ATP13A2: variants seen among roughly 807,000 people sequenced by gnomAD.
The protein encoded by ATP13A2 is ATPase cation transporting 13A2.
In ATP13A2, 83 loss-of-function variants were observed where a neutral mutation model predicts 138.3. The observed-to-expected ratio is 0.60, with a 90% confidence interval of 0.50 to 0.72. The LOEUF (loss-of-function observed/expected upper bound fraction) is 0.72. Ranked by LOEUF, ATP13A2 falls within the 30% of genes least tolerant of loss-of-function variation. The pLI is 0.00. For synonymous variants in ATP13A2, 663 were observed against 699.0 expected (o/e 0.95, Z 0.81); for missense variants, 1,402 against 1,606.4 (o/e 0.87, Z 2.17).
At position 17,005,601 on chromosome 1, in the gene ATP13A2, G is replaced by A. The variant is rs150294350; in HGVS notation, c.106-45C>T. ...GGGCCCAGGTCGGGGTGGGAACGGGGCTGGAGTAGGAAGTTGGGGTGTCTG... is the reference window on the plus strand; with the variant it reads ...GGGCCCAGGTCGGGGTGGGAACGGGACTGGAGTAGGAAGTTGGGGTGTCTG... On this transcript the variant is annotated intron_variant, in intron 2 of 28. Coordinates refer to ENST00000326735, the MANE Select transcript of ATP13A2 (RefSeq NM_022089.4). 1,330 of 1,613,896 alleles carry A rather than the reference G, an allele frequency of 8.2e-4. 7 individuals are homozygous for A. In the African/African-American group the frequency reaches 0.016, roughly 19 times the overall value.
In ATP13A2 at chr1:17,004,782, C is replaced by G; in HGVS notation, c.387G>C (p.Arg129=). The change falls in exon 5 of 29, where the codon CGG becomes CGC. Residue 129 remains arginine (R), a synonymous_variant. Coordinates refer to ENST00000326735, the MANE Select transcript of ATP13A2 (RefSeq NM_022089.4). This position sits in a 1 kb window ranked among gnomAD's most constrained non-coding sequence, Gnocchi z 4.1. ...GTACCGCCCCAACTGCCGCCTGGCT[C>G]CGGCCATCCTCTGCCTGGGACTGTG... ...PSPQSQAEDG[R]SQAAVGAVPE... The G allele has an allele frequency of 2.5e-6, 4 of 1,614,062 alleles. No homozygotes were observed. Among genetic ancestry groups the G allele is most frequent in the Non-Finnish European group, 3.4e-6 (4 of 1,180,042 alleles).
At chr1:17,007,882 A>G (rs543398100) in intron 1 of ATP13A2, among the ~76,000 whole-genome samples, 1 of 151,886 alleles carries the variant, frequency 6.6e-6, no homozygotes, top group African/African-American at 2.4e-5. Flanking sequence ...CAAAGAGTCC[A>G]GAGTGCCCCA....
chr1:16,992,182 G>A, intron 18 of ATP13A2, 53 bp from the exon 19 acceptor site: 1 of 1,611,294 alleles, frequency 6.2e-7, no homozygotes, highest in South Asian at 1.1e-5. Context: ...ACAGAGGCTG[G>A]GTACCCACCC....
intron 1 of ATP13A2, among the ~76,000 whole-genome samples, chr1:17,007,765 A>C (rs1311922353): frequency 6.6e-6 from 1 of 151,756 alleles, no homozygotes; most frequent in Non-Finnish European, 1.5e-5. Flanking sequence ...GTTAGCCAGG[A>C]TGGTCTCGAT....
intron 11 of ATP13A2, among the ~76,000 whole-genome samples, chr1:16,999,229 A>T (rs1245743526): frequency 1.3e-5 from 2 of 151,574 alleles, no homozygotes; most frequent in Non-Finnish European, 2.9e-5. Flanking sequence ...AAAAATACAA[A>T]ATTAGCCGGG....
intron 1 of ATP13A2, among the ~76,000 whole-genome samples, chr1:17,010,793 C>A (rs1043432368): frequency 5.9e-5 from 9 of 152,244 alleles, no homozygotes; most frequent in South Asian, 2.1e-4. Flanking sequence ...GGGGCTAGAG[C>A]CATTTGGGAC....
Position 16,990,009 on chromosome 1 carries a change from G to A in ATP13A2, c.2413-6C>T, listed in dbSNP as rs1380126637. On this transcript the variant is annotated splice_region_variant and splice_polypyrimidine_tract_variant and intron_variant, in intron 21 of 28. Transcript: ENST00000326735. ...CTTGCAGCCTGGTCAGGATCCTGGG[G>A]GCCCAGGAAGCTCAGCTTAGCTCCC... is the stretch of plus-strand genomic sequence containing the variant. The A allele has an allele frequency of 1.2e-6, 2 of 1,612,520 alleles. No individual in the cohort carries two copies. Among genetic ancestry groups the A allele is most frequent in the Admixed American group, 1.7e-5 (1 of 59,716 alleles).
At chr1:17,006,292 C>A (rs1231912177) in intron 1 of ATP13A2, among the ~76,000 whole-genome samples, 1 of 150,722 alleles carries the variant, frequency 6.6e-6, no homozygotes, top group African/African-American at 2.4e-5. Flanking sequence ...ACTCTGTCAC[C>A]CAGGCTGGAG....
intron 19 of ATP13A2, 56 bp from the exon 20 acceptor site, chr1:16,991,914 C>T: frequency 6.2e-7 from 1 of 1,612,826 alleles, no homozygotes. Context: ...GCCCCTCTCC[C>T]AGCCACCAGG....
At chr1:16,997,414 C>CGGTGGGG (rs1424418496) in intron 11 of ATP13A2, among the ~76,000 whole-genome samples, 1 of 56,640 alleles carries the variant, frequency 1.8e-5, no homozygotes, top group Non-Finnish European at 3.1e-5. Flanking sequence ...CTGGAACCAG[C>CGGTGGGG]GGGGGGGGGT....
At chr1:16,994,079 AACTCCCAAGTTAGGGCAGGT>A in intron 15 of ATP13A2, among the ~76,000 whole-genome samples, 1 of 151,912 alleles carries the variant, frequency 6.6e-6, no homozygotes, top group Non-Finnish European at 1.5e-5. Context: ...CTTCCTCCTT[AACTCCCAAGTTAGGGCAGGT>A]GGTTTGCTCT....
At position 16,997,193 on chromosome 1, in the gene ATP13A2, G is replaced by A. The variant is rs369095882; in HGVS notation, c.1040-18C>T. The A allele has an allele frequency of 7.7e-5, 125 of 1,613,092 alleles. No individual in the cohort carries two copies. The highest frequency in any genetic ancestry group is 1.0e-4 in the Non-Finnish European group (120 of 1,180,020). Reference sequence around the variant, plus strand: ...GCTCTCTCCTGGTGGGGAACGTGGTGTGAGGACCACTCCACACCCCTCCCT... The same window carrying A: ...GCTCTCTCCTGGTGGGGAACGTGGTATGAGGACCACTCCACACCCCTCCCT... On this transcript the variant is annotated intron_variant, in intron 11 of 28. Coordinates refer to ENST00000326735, the MANE Select transcript of ATP13A2 (RefSeq NM_022089.4).
At position 17,011,732 on chromosome 1, in the gene ATP13A2, C is replaced by G. The variant is rs549839037; in HGVS notation, c.7G>C (p.Ala3Pro). The change falls in exon 1 of 29, where the codon GCA becomes CCA. Residue 3 changes from alanine (A) to proline (P), a missense_variant. Transcript: ENST00000326735. This position sits in a 1 kb window ranked among gnomAD's most constrained non-coding sequence, Gnocchi z 7.3. MS[A>P]DSSPLVGSTP... ...CCGACCCGGACTCCGCACTCACCTG[C>G]GCTCATGCCGGCTCCTCGCGCTCAT... 2.2e-4 allele frequency: 320 copies of G among 1,474,756 alleles called. 1 individual carries two copies. In the African/African-American group the frequency reaches 4.5e-3, roughly 21 times the overall value. 91.4% of individuals were successfully genotyped at this position (1,474,756 alleles called of 1,614,324 possible).
chr1:17,011,310 AGCCCAGAGGGGTT>A lies in ATP13A2; in HGVS notation c.10+406_10+418del, dbSNP rs758626761. Among the ~76,000 whole-genome samples, 191 of 152,142 alleles carry A rather than the reference AGCCCAGAGGGGTT, an allele frequency of 1.3e-3. 1 individual carries two copies. The Middle Eastern group carries it at 0.017, about 14-fold the overall frequency. On this transcript the variant is annotated intron_variant, in intron 1 of 28. Transcript: ENST00000326735. The surrounding 1 kb of genome is among the most constrained non-coding windows in gnomAD (Gnocchi z 7.3). ...CCCAACGCCATTCATTCATTCATTC[AGCCCAGAGGGGTT>A]GCCCAGAGGCCCGAGGATGCAGCCG... is the stretch of plus-strand genomic sequence containing the variant.
chr1:16,993,846 C>G lies in ATP13A2; in HGVS notation c.1543-11G>C. 2.6e-6 allele frequency: 4 copies of G among 1,544,676 alleles called. No individual in the cohort carries two copies. Among genetic ancestry groups the G allele is most frequent in the Non-Finnish European group, 3.5e-6 (4 of 1,144,096 alleles). ...AGTGAGGGTGCCCGTCTGTGGGAGA[C>G]AGGTGGGTGGGGCAGCGATGAGTCC... is the stretch of plus-strand genomic sequence containing the variant. On this transcript the variant is annotated splice_polypyrimidine_tract_variant and intron_variant, in intron 15 of 28. Coordinates refer to ENST00000326735, the MANE Select transcript of ATP13A2 (RefSeq NM_022089.4).
intron 3 of ATP13A2, 91 bp downstream of exon 3, chr1:17,005,283 G>T: frequency 6.5e-7 from 1 of 1,529,770 alleles, no homozygotes; most frequent in Non-Finnish European, 8.8e-7. Flanking sequence ...CCCATGGAAA[G>T]TCAGTGGCCG....
chr1:16,986,202 G>C lies in ATP13A2; in HGVS notation c.*19C>G. The C allele has an allele frequency of 6.2e-7, 1 of 1,612,668 alleles. No homozygotes were observed. Among genetic ancestry groups the C allele is most frequent in the South Asian group, 1.1e-5 (1 of 90,724 alleles). On this transcript the variant is annotated 3_prime_UTR_variant, in exon 29 of 29. Coordinates refer to ENST00000326735, the MANE Select transcript of ATP13A2 (RefSeq NM_022089.4). The surrounding 1 kb of genome is among the most constrained non-coding windows in gnomAD (Gnocchi z 6.9). The stretch of plus-strand genomic sequence containing the variant: ...CAGAGGCAGGGAGTTCCAGTGTCTG[G>C]GGTGCCCGTGGGCCTGCACTACCTC...
At chr1:17,010,241 C>T (rs1341357931) in intron 1 of ATP13A2, among the ~76,000 whole-genome samples, 1 of 152,190 alleles carries the variant, frequency 6.6e-6, no homozygotes, top group Non-Finnish European at 1.5e-5. Context: ...CCACACTCAG[C>T]TAATTTTTGT....
In ATP13A2 at chr1:17,011,734, C is replaced by A; in HGVS notation, c.5G>T (p.Ser2Ile). Residue 2 changes from serine (S) to isoleucine (I), a missense_variant, in exon 1 of 29, where the codon AGC becomes ATC. Ser to Ile is a moderately radical substitution (Grantham distance 142). Transcript: ENST00000326735. The surrounding 1 kb of genome is among the most constrained non-coding windows in gnomAD (Gnocchi z 7.3). ...GACCCGGACTCCGCACTCACCTGCG[C>A]TCATGCCGGCTCCTCGCGCTCATCG... Reference protein sequence around the residue: MSADSSPLVGST... With the variant: MIADSSPLVGST... 6.8e-7 allele frequency: 1 copy of A among 1,469,768 alleles called. No homozygotes were observed. Among genetic ancestry groups the A allele is most frequent in the African/African-American group, 1.5e-5 (1 of 68,218 alleles). 91.0% of individuals were successfully genotyped at this position (1,469,768 alleles called of 1,614,324 possible).
Sources: gnomAD v4.1 joint callset for allele counts (sites outside exome capture counted in the v4.1 genomes callset) on GRCh38, gnomAD v4.1.1 for gene constraint, Gnocchi (gnomAD v3.1) non-coding constraint, MANE v1.5 for transcripts, NCBI Gene and HGNC (gene_info 2026-07-23, HGNC 2026-07-21) for gene names.